The following SYT1 variants were observed in gnomAD, a reference collection of about 807,000 sequenced individuals.
SYT1 encodes synaptotagmin 1.
Under a neutral mutation model 44.8 loss-of-function variants are expected in SYT1, and 8 were observed. The observed-to-expected ratio is 0.18, with a 90% CI of 0.10 to 0.32. The LOEUF (loss-of-function observed/expected upper bound fraction) is 0.32. Among genes scored for constraint, SYT1 ranks in the 10% least tolerant of loss-of-function variants. The pLI, the probability that SYT1 is intolerant of heterozygous loss-of-function variation, is 1.00. For synonymous variants in SYT1, 154 were observed against 188.8 expected (o/e 0.82, Z 1.51); for missense variants, 286 against 509.3 (o/e 0.56, Z 4.22).
intron 3 of SYT1, among the ~76,000 whole-genome samples, chr12:79,192,571 G>A (rs751674108): frequency 1.3e-5 from 2 of 152,162 alleles, no homozygotes; most frequent in Non-Finnish European, 2.9e-5. Flanking sequence ...AATGTGGAGG[G>A]TGGGGAAAGG....
intron 9 of SYT1, among the ~76,000 whole-genome samples, chr12:79,389,130 T>A (rs1181237873): frequency 2.0e-5 from 3 of 152,168 alleles, no homozygotes; most frequent in Admixed American, 1.3e-4. Context: ...TTGTTCTCAT[T>A]CACATAAACA....
At chr12:79,337,371 T>TA (rs1351652633) in intron 8 of SYT1, among the ~76,000 whole-genome samples, 23 of 152,262 alleles carry the variant, frequency 1.5e-4, no homozygotes, top group Non-Finnish European at 3.1e-4. Context: ...TCCAGAGATT[T>TA]CTTCTTGGAT....
At chr12:78,996,888 T>C (rs1870414348) in intron 2 of SYT1, among the ~76,000 whole-genome samples, 2 of 152,208 alleles carry the variant, frequency 1.3e-5, no homozygotes, top group Admixed American at 1.3e-4. Context: ...GCCTGGTCAC[T>C]GTATGAAGAA....
At chr12:79,265,158 T>C (rs924055364) in intron 4 of SYT1, among the ~76,000 whole-genome samples, 3 of 152,198 alleles carry the variant, frequency 2.0e-5, no homozygotes, top group Non-Finnish European at 4.4e-5. Context: ...TAGTATCCAC[T>C]ACACTAAGTA....
intron 2 of SYT1, among the ~76,000 whole-genome samples, chr12:79,015,370 T>C (rs1871738368): frequency 6.6e-6 from 1 of 152,176 alleles, no homozygotes; most frequent in Non-Finnish European, 1.5e-5. Flanking sequence ...CCTTTTGTTT[T>C]AAGTAATAAT....
At chr12:79,358,642 C>T (rs879637409) in intron 9 of SYT1, among the ~76,000 whole-genome samples, 1 of 152,092 alleles carries the variant, frequency 6.6e-6, no homozygotes, top group Admixed American at 6.6e-5. Flanking sequence ...GTTCAGATCC[C>T]CCCAGTTCTC....
rs554820454 is a variant in SYT1 at position 78,960,042 on chromosome 12, T to G, written c.-216-17757T>G. On this transcript the variant is annotated intron_variant, in intron 1 of 10. Transcript: ENST00000261205. ...TAATATAAATTCAAAGTTCCAAAAT[T>G]TATATATTTTTAAATTCTTGGTTTT... 9.2e-5 allele frequency among the ~76,000 whole-genome samples: 14 copies of G among 152,238 alleles called. No homozygotes were observed. The East Asian group carries it at 2.3e-3, about 25-fold the overall frequency.
rs60243560 is a variant in SYT1, at chr12:79,177,195, C to T, written c.-17-40308C>T. On this transcript the variant is annotated intron_variant, in intron 3 of 10. Transcript: ENST00000261205. ...ATATCTCCCAATGCTATCCCTCCCC[C>T]CTCCCCCGACCCCACCACAGTCCCC... Among the ~76,000 whole-genome samples, 721 of 96,490 alleles carry T rather than the reference C, an allele frequency of 7.5e-3. 13 individuals carry two copies. Among genetic ancestry groups the T allele is most frequent in the African/African-American group, 0.029 (681 of 23,704 alleles). 63.3% of individuals were successfully genotyped at this position (96,490 alleles called of 152,430 possible).
At chr12:79,151,451 G>A (rs1217113075) in intron 3 of SYT1, among the ~76,000 whole-genome samples, 1 of 152,160 alleles carries the variant, frequency 6.6e-6, no homozygotes, top group African/African-American at 2.4e-5. Context: ...ACAGGTTAGA[G>A]GCACATCACT....
chr12:78,929,579 G>T (rs2137195785), intron 1 of SYT1, among the ~76,000 whole-genome samples: 1 of 151,930 alleles, frequency 6.6e-6, no homozygotes. Context: ...AGTAGGAAAA[G>T]ATAGAGATTT....
intron 1 of SYT1, among the ~76,000 whole-genome samples, chr12:78,943,683 A>G (rs1041260076): frequency 6.6e-6 from 1 of 152,236 alleles, no homozygotes; most frequent in Non-Finnish European, 1.5e-5. Context: ...TAAAACTAGT[A>G]GAAAAAGCAT....
At chr12:79,259,774 C>T (rs1337638884) in intron 4 of SYT1, among the ~76,000 whole-genome samples, 1 of 152,132 alleles carries the variant, frequency 6.6e-6, no homozygotes, top group Non-Finnish European at 1.5e-5. Context: ...TCAGAAGGGA[C>T]TTGATTATGT....
intron 9 of SYT1, among the ~76,000 whole-genome samples, chr12:79,436,045 G>A (rs1333890888): frequency 6.6e-6 from 1 of 152,134 alleles, no homozygotes; most frequent in East Asian, 1.9e-4. Context: ...ATTTCTAGCT[G>A]GGTGAACTTT....
intron 3 of SYT1, among the ~76,000 whole-genome samples, chr12:79,206,284 C>T (rs972870177): frequency 2.0e-5 from 3 of 152,104 alleles, no homozygotes; most frequent in Admixed American, 1.3e-4. Context: ...CAAAATCTTC[C>T]AAATTGCTTG....
intron 9 of SYT1, among the ~76,000 whole-genome samples, chr12:79,434,515 C>T (rs1485122693): frequency 1.3e-5 from 2 of 151,962 alleles, no homozygotes; most frequent in African/African-American, 2.4e-5. Context: ...CTCTGTGAGC[C>T]CTATTAATAC....
chr12:79,351,320 G>T (rs371212242), intron 8 of SYT1, among the ~76,000 whole-genome samples: 1 of 152,110 alleles, frequency 6.6e-6, no homozygotes, highest in African/African-American at 2.4e-5. Flanking sequence ...GGAATAAAAG[G>T]TATTGGAAGA....
At chr12:78,895,927 C>A (rs573374744) in intron 1 of SYT1, among the ~76,000 whole-genome samples, 1 of 151,574 alleles carries the variant, frequency 6.6e-6, no homozygotes, top group Non-Finnish European at 1.5e-5. Flanking sequence ...AACGTAAGGA[C>A]AGGAGACAAG....
Position 78,894,330 on chromosome 12 carries a change from G to GTTTTTTTTTTTTTTT in SYT1, c.-217+29242_-217+29256dup, listed in dbSNP as rs566175647. Among the ~76,000 whole-genome samples the GTTTTTTTTTTTTTTT allele has an allele frequency of 1.6e-3, 45 of 27,732 alleles. 14 individuals carry two copies. The highest frequency in any genetic ancestry group is 3.5e-3 in the East Asian group (2 of 564). The allele number at this position is 27,732 out of a possible 152,430, so 18.2% of individuals were successfully genotyped here. ...AATTTATGATTGTGTTTTTTAATCTGTTTTTTTTTTTTTTTTTTTTTTTTT... is the reference window on the plus strand; with the variant it reads ...AATTTATGATTGTGTTTTTTAATCTGTTTTTTTTTTTTTTTTTTTTTTTTTTTTTTTTTTTTTTTT... On this transcript the variant is annotated intron_variant, in intron 1 of 10. Transcript: ENST00000261205.
chr12:79,127,748 A>G (rs1363826184), intron 3 of SYT1, among the ~76,000 whole-genome samples: 3 of 152,234 alleles, frequency 2.0e-5, no homozygotes, highest in African/African-American at 7.2e-5. Context: ...AGAAGACGAA[A>G]AGCTCATAGG....
Sources: gnomAD v4.1 joint callset for allele counts (sites outside exome capture counted in the v4.1 genomes callset) on GRCh38, gnomAD v4.1.1 for gene constraint, MANE v1.5 for transcripts, NCBI Gene and HGNC (gene_info 2026-07-23, HGNC 2026-07-21) for gene names.